Variants in PLXNA2 observed in about 807,000 individuals in gnomAD.
PLXNA2 encodes plexin-A2.
Under a neutral mutation model 193.5 loss-of-function variants are expected in PLXNA2, and 91 were observed. That is an observed-to-expected ratio of 0.47 (90% CI 0.40 to 0.56). The LOEUF (loss-of-function observed/expected upper bound fraction) is 0.56, where lower values mean the gene tolerates loss of function less well. PLXNA2 is among the 20% of genes least tolerant of loss of function. The pLI is 0.00. For synonymous variants in PLXNA2, 997 were observed against 1,027.3 expected (o/e 0.97, Z 0.56); for missense variants, 1,995 against 2,503.2 (o/e 0.80, Z 4.33).
chr1:208,172,536 TGGGCA>T (rs1669527852), intron 3 of PLXNA2, among the ~76,000 whole-genome samples: 1 of 152,192 alleles, frequency 6.6e-6, no homozygotes, highest in Non-Finnish European at 1.5e-5. Context: ...ACCTCAGCTC[TGGGCA>T]GGCTGAGCCG....
chr1:208,234,480 C>T lies in PLXNA2; in HGVS notation c.-81+9163G>A, dbSNP rs149607662. 4.0e-3 allele frequency among the ~76,000 whole-genome samples: 615 copies of T among 152,350 alleles called. 10 individuals are homozygous for T. Among genetic ancestry groups the T allele is most frequent in the East Asian group, 0.03 (157 of 5,186 alleles). On this transcript the variant is annotated intron_variant, in intron 1 of 31. Coordinates refer to ENST00000367033, the MANE Select transcript of PLXNA2 (RefSeq NM_025179.4). ...CCCATCCCGCACTCTGCATTTCCAA[C>T]AGGGACAAAGCTCCTTGTGTTGCTT...
chr1:208,174,919 G>A (rs1669615707), intron 3 of PLXNA2, among the ~76,000 whole-genome samples: 1 of 152,190 alleles, frequency 6.6e-6, no homozygotes, highest in Non-Finnish European at 1.5e-5. Flanking sequence ...GGAATGCAAG[G>A]GAAATCGGAT....
chr1:208,097,006 T>C (rs1022581259), intron 6 of PLXNA2, 123 bp from the exon 7 acceptor site: 15 of 820,356 alleles, frequency 1.8e-5, no homozygotes, highest in Admixed American at 2.9e-5. Context: ...AAAAGAAGGA[T>C]GTTGGTCTAA....
intron 3 of PLXNA2, among the ~76,000 whole-genome samples, chr1:208,171,509 C>A (rs1208456972): frequency 6.6e-6 from 1 of 152,186 alleles, no homozygotes; most frequent in Non-Finnish European, 1.5e-5. Context: ...AACCTGCTCG[C>A]TAACCTCTGA....
intron 4 of PLXNA2, among the ~76,000 whole-genome samples, chr1:208,112,471 T>C (rs1271106003): frequency 6.6e-6 from 1 of 152,214 alleles, no homozygotes; most frequent in African/African-American, 2.4e-5. Flanking sequence ...ACAAGGTTGT[T>C]CTGAGGCTTA....
At chr1:208,081,059 T>C (rs1666322829) in intron 11 of PLXNA2, among the ~76,000 whole-genome samples, 1 of 152,176 alleles carries the variant, frequency 6.6e-6, no homozygotes, top group South Asian at 2.1e-4. Context: ...TTCTTCAACA[T>C]TGCAAGAGTC....
At chr1:208,184,424 A>G (rs558461394) in intron 3 of PLXNA2, among the ~76,000 whole-genome samples, 1 of 149,200 alleles carries the variant, frequency 6.7e-6, no homozygotes, top group South Asian at 2.1e-4. Flanking sequence ...CCCCTGCTTA[A>G]AAAAAAAAAA....
chr1:208,109,764 A>C (rs1186513963), intron 4 of PLXNA2, among the ~76,000 whole-genome samples: 4 of 152,210 alleles, frequency 2.6e-5, no homozygotes, highest in Non-Finnish European at 5.9e-5. Context: ...CTCTTTCTGA[A>C]GGATGAGGAG....
At chr1:208,139,143 G>A in intron 4 of PLXNA2, among the ~76,000 whole-genome samples, 1 of 152,224 alleles carries the variant, frequency 6.6e-6, no homozygotes, top group East Asian at 1.9e-4. Context: ...ATCATCTTCT[G>A]GAGAGAGACA....
intron 4 of PLXNA2, among the ~76,000 whole-genome samples, chr1:208,120,808 A>C (rs1667784753): frequency 6.6e-6 from 1 of 152,128 alleles, no homozygotes; most frequent in Admixed American, 6.5e-5. Flanking sequence ...CCCTCTTATA[A>C]TGTCTGTGAG....
intron 17 of PLXNA2, 36 bp downstream of exon 17, chr1:208,050,970 GTGT>G (rs758792899): frequency 2.1e-6 from 3 of 1,440,780 alleles, no homozygotes; most frequent in Non-Finnish European, 2.9e-6. Context: ...ACACAGAGCT[GTGT>G]TTACCAAAGG....
intron 3 of PLXNA2, among the ~76,000 whole-genome samples, chr1:208,188,724 A>AG (rs1027865965): frequency 1.7e-4 from 25 of 151,396 alleles, no homozygotes; most frequent in East Asian, 9.8e-4. Context: ...AAAAAAAAAA[A>AG]AAGAAAAAAA....
intron 4 of PLXNA2, among the ~76,000 whole-genome samples, chr1:208,119,568 C>T (rs1406354845): frequency 6.6e-6 from 1 of 152,168 alleles, no homozygotes; most frequent in African/African-American, 2.4e-5. Context: ...CAGAAAGAGA[C>T]CAAGAGATTG....
In PLXNA2 at chr1:208,042,255, T is replaced by C; in HGVS notation, c.4129A>G (p.Ser1377Gly). ...TTGCCCCGGTCGCGCATGGAGAAACTGCGCTGCAGCTCCAGGGTGCGGATG... is the reference window on the plus strand; with the variant it reads ...TTGCCCCGGTCGCGCATGGAGAAACCGCGCTGCAGCTCCAGGGTGCGGATG... ...TFIRTLELQRSFSMRDRGNVA... is the reference protein window; with the variant it reads ...TFIRTLELQRGFSMRDRGNVA... Residue 1377 changes from serine to glycine, a missense_variant, in exon 22 of 32, where the codon AGT becomes GGT. Physicochemically the swap from Ser to Gly is moderately conservative, Grantham distance 56. Transcript: ENST00000367033. The C allele has an allele frequency of 4.3e-6, 7 of 1,614,210 alleles. No homozygotes were observed. The highest frequency in any genetic ancestry group is 5.9e-6 in the Non-Finnish European group (7 of 1,180,028).
chr1:208,212,053 C>T (rs900961962), intron 2 of PLXNA2, among the ~76,000 whole-genome samples: 1 of 152,130 alleles, frequency 6.6e-6, no homozygotes, highest in African/African-American at 2.4e-5. Context: ...GAAAGAGCCC[C>T]GCATCCTGTG....
rs957116247 is a variant in PLXNA2 at position 208,022,366 on chromosome 1, T to C, written c.*4877A>G. 13 of 152,530 alleles carry C rather than the reference T, an allele frequency of 8.5e-5. No homozygotes were observed. The highest frequency in any genetic ancestry group is 3.1e-4 in the African/African-American group (13 of 41,414). 9.4% of individuals were successfully genotyped at this position (152,530 alleles called of 1,614,324 possible). A position where few individuals can be genotyped will look rare whatever the true frequency, so the allele number is the denominator to read the frequency against. ...TATTTACAATAGGTACACAATAATA[T>C]ATTAGAATAACAAAAAACCCCACTT... On this transcript the variant is annotated 3_prime_UTR_variant, in exon 32 of 32. Coordinates refer to ENST00000367033, the MANE Select transcript of PLXNA2 (RefSeq NM_025179.4).
intron 3 of PLXNA2, among the ~76,000 whole-genome samples, chr1:208,152,679 ACACG>A (rs772836562): frequency 1.6e-4 from 13 of 79,996 alleles, no homozygotes; most frequent in African/African-American, 4.6e-4. Flanking sequence ...ACACACACAC[ACACG>A]CACACACACA....
chr1:208,122,483 G>A (rs1488357405), intron 4 of PLXNA2, among the ~76,000 whole-genome samples: 1 of 152,168 alleles, frequency 6.6e-6, no homozygotes, highest in Non-Finnish European at 1.5e-5. Flanking sequence ...GGAATGTTGT[G>A]AAGATTAAAT....
At chr1:208,058,235 G>A (rs978174136) in intron 13 of PLXNA2, among the ~76,000 whole-genome samples, 1 of 152,224 alleles carries the variant, frequency 6.6e-6, no homozygotes, top group Non-Finnish European at 1.5e-5. Flanking sequence ...CCTGTCCCAG[G>A]AGGGGCTGAG....
Sources: allele counts gnomAD v4.1 joint callset (sites outside exome capture counted in the v4.1 genomes callset), GRCh38; gene constraint gnomAD v4.1.1; transcripts MANE v1.5; gene names NCBI Gene and HGNC (gene_info 2026-07-23, HGNC 2026-07-21).